The following ZFPM2 variants were observed in gnomAD, a reference collection of about 807,000 sequenced individuals.
ZFPM2 encodes the protein zinc finger protein, FOG family member 2, also known as zinc finger protein ZFPM2.
A neutral mutation model predicts 98.6 loss-of-function variants in ZFPM2; 20 were observed. That is an observed-to-expected ratio of 0.20 (90% CI 0.14 to 0.29). ZFPM2 has a LOEUF of 0.29. ZFPM2 is among the 10% of genes least tolerant of loss of function. ZFPM2 has a pLI of 1.00. For missense variants in ZFPM2, 1,310 were observed against 1,388.6 expected, an observed-to-expected ratio of 0.94 and a Z score of 0.90; for synonymous variants, 518 against 502.7, an observed-to-expected ratio of 1.03 and a Z score of -0.41.
At chr8:105,458,861 T>C (rs1357379485) in intron 3 of ZFPM2, among the ~76,000 whole-genome samples, 1 of 152,106 alleles carries the variant, frequency 6.6e-6, no homozygotes, top group Non-Finnish European at 1.5e-5. Flanking sequence ...ATATTTTTTT[T>C]TTTACTCTGT....
chr8:105,635,024 G>A (rs1330698568), intron 5 of ZFPM2, among the ~76,000 whole-genome samples: 1 of 152,192 alleles, frequency 6.6e-6, no homozygotes, highest in African/African-American at 2.4e-5. Context: ...ACTGTCCATA[G>A]CACAGGACCT....
chr8:105,567,483 T>C (rs985068118), intron 4 of ZFPM2, among the ~76,000 whole-genome samples: 2 of 151,518 alleles, frequency 1.3e-5, no homozygotes, highest in Non-Finnish European at 2.9e-5. Context: ...TGAGCTCTGA[T>C]TGCCTTGATA....
intron 1 of ZFPM2, among the ~76,000 whole-genome samples, chr8:105,338,698 C>A (rs1812369628): frequency 6.6e-6 from 1 of 151,772 alleles, no homozygotes; most frequent in Admixed American, 6.6e-5. Context: ...ACTCAGCTTT[C>A]TCTTAAAGCC....
intron 4 of ZFPM2, among the ~76,000 whole-genome samples, chr8:105,569,149 T>C (rs1441797854): frequency 6.6e-6 from 1 of 152,184 alleles, no homozygotes; most frequent in African/African-American, 2.4e-5. Flanking sequence ...AGAGCACTGA[T>C]CACATAACTG....
chr8:105,371,860 T>A (rs1168454195), intron 1 of ZFPM2, among the ~76,000 whole-genome samples: 1 of 152,018 alleles, frequency 6.6e-6, no homozygotes, highest in East Asian at 1.9e-4. Flanking sequence ...TCAAAATTAA[T>A]TGTTCTGAAT....
chr8:105,732,259 G>T (rs759243681), intron 5 of ZFPM2, among the ~76,000 whole-genome samples: 7 of 151,708 alleles, frequency 4.6e-5, no homozygotes, highest in Non-Finnish European at 1.0e-4. Flanking sequence ...ATTCTTTCCA[G>T]ACTCACTAAA....
chr8:105,613,662 AG>A (rs1260885446), intron 4 of ZFPM2, among the ~76,000 whole-genome samples: 1 of 152,170 alleles, frequency 6.6e-6, no homozygotes, highest in East Asian at 1.9e-4. Flanking sequence ...AGGTCCTAGT[AG>A]GACCCATTCA....
At chr8:105,434,318 T>A (rs568397642) in intron 2 of ZFPM2, among the ~76,000 whole-genome samples, 45 of 152,322 alleles carry the variant, frequency 3.0e-4, no homozygotes, top group Non-Finnish European at 6.2e-4. Flanking sequence ...TCTGTTTGGA[T>A]AATCTATAAC....
intron 1 of ZFPM2, among the ~76,000 whole-genome samples, chr8:105,414,309 T>A (rs938599618): frequency 6.6e-6 from 1 of 152,020 alleles, no homozygotes; most frequent in Non-Finnish European, 1.5e-5. Flanking sequence ...TACATGATAA[T>A]GTATATTAAT....
chr8:105,611,824 G>C (rs553885197), intron 4 of ZFPM2, among the ~76,000 whole-genome samples: 51 of 151,208 alleles, frequency 3.4e-4, no homozygotes, highest in African/African-American at 1.2e-3. Context: ...TCAGCTTCCC[G>C]AGTAGCTGGG....
At chr8:105,609,059 T>TAA (rs373653767) in intron 4 of ZFPM2, among the ~76,000 whole-genome samples, 2 of 151,286 alleles carry the variant, frequency 1.3e-5, no homozygotes, top group Non-Finnish European at 3.0e-5. Context: ...CACACACAAT[T>TAA]AAAAAAAAGC....
rs572864914 is a variant in ZFPM2 at position 105,804,156 on chromosome 8, T to C, written c.*618T>C. ...CCATTTTCTTAATCCTGAACCTGTA[T>C]GTTAAATGAAGATGGCAATTTTTTT... is the stretch of plus-strand genomic sequence containing the variant. On this transcript the variant is annotated 3_prime_UTR_variant, in exon 8 of 8. Coordinates refer to ENST00000407775, the MANE Select transcript of ZFPM2 (RefSeq NM_012082.4). The C allele has an allele frequency of 5.2e-5, 8 of 152,790 alleles. No individual in the cohort carries two copies. The highest frequency in any genetic ancestry group is 1.7e-4 in the African/African-American group (7 of 41,584). 9.5% of individuals were successfully genotyped at this position (152,790 alleles called of 1,614,324 possible). A position where few individuals can be genotyped will look rare whatever the true frequency, so the allele number is the denominator to read the frequency against.
chr8:105,514,044 C>T (rs1316458800), intron 3 of ZFPM2, among the ~76,000 whole-genome samples: 3 of 148,658 alleles, frequency 2.0e-5, no homozygotes, highest in African/African-American at 7.6e-5. Flanking sequence ...ACTTTATGGC[C>T]CAGGATGGAG....
intron 1 of ZFPM2, among the ~76,000 whole-genome samples, chr8:105,384,082 G>A (rs1810938603): frequency 6.6e-6 from 1 of 152,070 alleles, no homozygotes; most frequent in Non-Finnish European, 1.5e-5. Flanking sequence ...GAGAATATTA[G>A]ACCAGTGTTA....
intron 3 of ZFPM2, among the ~76,000 whole-genome samples, chr8:105,495,455 T>A (rs1201774885): frequency 6.6e-6 from 1 of 152,212 alleles, no homozygotes; most frequent in Admixed American, 6.5e-5. Flanking sequence ...ATGTATAGAT[T>A]GCCATTTTTT....
rs1408081573 is a variant in ZFPM2 at position 105,413,200 on chromosome 8, A to G, written c.41-5944A>G. Reference sequence around the variant, plus strand: ...CCTGAAATTAACAGAAATACAAGCCAAGAATACAGATTGTTAGGCAAGGAG... The same window carrying G: ...CCTGAAATTAACAGAAATACAAGCCGAGAATACAGATTGTTAGGCAAGGAG... On this transcript the variant is annotated intron_variant, in intron 1 of 7. Coordinates refer to ENST00000407775, the MANE Select transcript of ZFPM2 (RefSeq NM_012082.4). Among the ~76,000 whole-genome samples, 3 of 151,812 alleles carry G rather than the reference A, an allele frequency of 2.0e-5. No homozygotes were observed. The South Asian group carries it at 6.2e-4, about 31-fold the overall frequency.
At chr8:105,616,636 A>T (rs1039221432) in intron 4 of ZFPM2, 10 of 347,276 alleles carry the variant, frequency 2.9e-5, no homozygotes, top group African/African-American at 1.8e-4. Context: ...GCGTTATTTA[A>T]TATTTGCAAC....
intron 1 of ZFPM2, among the ~76,000 whole-genome samples, chr8:105,361,914 T>C (rs1812870367): frequency 6.6e-6 from 1 of 151,938 alleles, no homozygotes; most frequent in South Asian, 2.1e-4. Flanking sequence ...TATAATAACA[T>C]GCCGTACAGG....
intron 5 of ZFPM2, among the ~76,000 whole-genome samples, chr8:105,712,405 A>G (rs1563532340): frequency 6.6e-6 from 1 of 152,080 alleles, no homozygotes; most frequent in Non-Finnish European, 1.5e-5. Flanking sequence ...ATTGGAGGCA[A>G]CCTTCATCAA....
Sources: allele counts gnomAD v4.1 joint callset (sites outside exome capture counted in the v4.1 genomes callset), GRCh38; gene constraint gnomAD v4.1.1; transcripts MANE v1.5; gene names NCBI Gene and HGNC (gene_info 2026-07-23, HGNC 2026-07-21).